GRID1: variants seen among roughly 807,000 people sequenced by gnomAD.
GRID1 encodes the protein glutamate receptor ionotropic, delta-1.
GRID1 carries 28 observed loss-of-function variants against 98.0 expected under a neutral mutation model. That is an observed-to-expected ratio of 0.29 (90% confidence interval 0.21 to 0.39). The LOEUF is 0.39. GRID1 is among the 10% of genes least tolerant of loss of function. The pLI is 1.00. For missense variants in GRID1, 1,111 were observed against 1,340.5 expected (o/e 0.83, Z 2.67); for synonymous variants, 553 against 538.5 (o/e 1.03, Z -0.37).
chr10:86,285,609 C>T (rs1847420140), intron 2 of GRID1, among the ~76,000 whole-genome samples: 1 of 152,196 alleles, frequency 6.6e-6, no homozygotes, highest in African/African-American at 2.4e-5. Flanking sequence ...TGTCAGCACG[C>T]CCACACAGGG....
At chr10:85,739,761 A>G (rs1255870002) in intron 8 of GRID1, among the ~76,000 whole-genome samples, 1 of 152,168 alleles carries the variant, frequency 6.6e-6, no homozygotes, top group African/African-American at 2.4e-5. Flanking sequence ...TACAGTTTTA[A>G]CTGCAAATAG....
chr10:86,311,247 A>C (rs1264084343), intron 2 of GRID1, among the ~76,000 whole-genome samples: 1 of 152,238 alleles, frequency 6.6e-6, no homozygotes, highest in African/African-American at 2.4e-5. Flanking sequence ...TCACATAGCC[A>C]GCAAGTACAG....
chr10:85,629,171 A>G (rs1842945331), intron 13 of GRID1, among the ~76,000 whole-genome samples: 1 of 152,214 alleles, frequency 6.6e-6, no homozygotes, highest in African/African-American at 2.4e-5. Context: ...AGAGAATGAG[A>G]GTAATTTTGC....
At chr10:86,170,623 T>C (rs1023379452) in intron 3 of GRID1, among the ~76,000 whole-genome samples, 2 of 152,218 alleles carry the variant, frequency 1.3e-5, no homozygotes. Context: ...GCCATGGCTA[T>C]GCACAACCTT....
chr10:86,092,878 C>T (rs971567736), intron 4 of GRID1, among the ~76,000 whole-genome samples: 10 of 152,170 alleles, frequency 6.6e-5, no homozygotes, highest in African/African-American at 2.4e-4. Flanking sequence ...TACCTTGGAA[C>T]AAATGGACTT....
At chr10:86,267,963 G>A (rs1011318971) in intron 2 of GRID1, among the ~76,000 whole-genome samples, 4 of 152,238 alleles carry the variant, frequency 2.6e-5, no homozygotes, top group African/African-American at 9.6e-5. Flanking sequence ...AGTTCTCCCT[G>A]TGAAGAATGT....
chr10:85,951,889 C>T (rs1379102705), intron 4 of GRID1, among the ~76,000 whole-genome samples: 2 of 152,230 alleles, frequency 1.3e-5, no homozygotes, highest in African/African-American at 4.8e-5. Context: ...TCTGCAGCAT[C>T]ACCTGTGTTC....
intron 4 of GRID1, among the ~76,000 whole-genome samples, chr10:85,975,374 G>A (rs17106084): frequency 0.13 from 19,581 of 152,268 alleles, 1,391 homozygotes; most frequent in Admixed American, 0.22. Flanking sequence ...GCCATCAGTC[G>A]GGCCAGCCTG....
intron 2 of GRID1, among the ~76,000 whole-genome samples, chr10:86,348,679 G>A (rs1011482882): frequency 1.3e-5 from 2 of 152,232 alleles, no homozygotes; most frequent in Admixed American, 6.5e-5. Flanking sequence ...GCACGTCCAC[G>A]TGACAGCGTC....
At chr10:85,752,832 T>G (rs1319382873) in intron 8 of GRID1, among the ~76,000 whole-genome samples, 1 of 152,244 alleles carries the variant, frequency 6.6e-6, no homozygotes, top group African/African-American at 2.4e-5. Context: ...AAGGTAACTT[T>G]TAAGTTTTTT....
chr10:85,972,437 T>G (rs998569508), intron 4 of GRID1, among the ~76,000 whole-genome samples: 1 of 148,280 alleles, frequency 6.7e-6, no homozygotes, highest in South Asian at 2.1e-4. Flanking sequence ...TATATTTATA[T>G]AACTATATTA....
intron 12 of GRID1, chr10:85,647,943 AT>A (rs1372875201): frequency 6.5e-6 from 1 of 152,864 alleles, no homozygotes; most frequent in Non-Finnish European, 1.5e-5. Context: ...ATTAAGAGGC[AT>A]CCCCTCCAAA....
intron 4 of GRID1, among the ~76,000 whole-genome samples, chr10:86,091,299 A>G (rs1257438113): frequency 2.0e-5 from 3 of 152,104 alleles, no homozygotes; most frequent in Admixed American, 1.3e-4. Context: ...TGTGGCGGGC[A>G]CCGTGAGAGT....
chr10:85,808,392 A>G (rs1204541349), intron 8 of GRID1, among the ~76,000 whole-genome samples: 2 of 152,170 alleles, frequency 1.3e-5, no homozygotes, highest in East Asian at 3.8e-4. Context: ...GAAGTCCAAA[A>G]TATCTCTGTA....
chr10:85,803,634 A>C (rs1402607798), intron 8 of GRID1, among the ~76,000 whole-genome samples: 1 of 152,102 alleles, frequency 6.6e-6, no homozygotes, highest in African/African-American at 2.4e-5. Context: ...AATTTAAGCA[A>C]CATATGTGAA....
intron 3 of GRID1, among the ~76,000 whole-genome samples, chr10:86,198,274 G>C (rs965013464): frequency 1.3e-5 from 2 of 152,052 alleles, no homozygotes; most frequent in Non-Finnish European, 2.9e-5. Context: ...GGGAAGCCTT[G>C]GCAGCTCAGC....
At chr10:85,786,095 C>T (rs1236364449) in intron 8 of GRID1, among the ~76,000 whole-genome samples, 3 of 152,178 alleles carry the variant, frequency 2.0e-5, no homozygotes, top group African/African-American at 7.2e-5. Flanking sequence ...CCAGCTACAT[C>T]ATGCTGTATA....
At chr10:86,318,105 A>G (rs534771605) in intron 2 of GRID1, among the ~76,000 whole-genome samples, 98 of 152,184 alleles carry the variant, frequency 6.4e-4, no homozygotes, top group African/African-American at 2.0e-3. Flanking sequence ...AAAAAGGCCC[A>G]GGTGCTTGGG....
At chr10:86,179,274 A>G (rs1179510921) in intron 3 of GRID1, among the ~76,000 whole-genome samples, 2 of 147,080 alleles carry the variant, frequency 1.4e-5, no homozygotes, top group Admixed American at 1.3e-4. Flanking sequence ...GCCCCCACCC[A>G]TGCCCCAGCC....
Sources: gnomAD v4.1 joint callset for allele counts (sites outside exome capture counted in the v4.1 genomes callset) on GRCh38, gnomAD v4.1.1 for gene constraint, MANE v1.5 for transcripts, NCBI Gene and HGNC (gene_info 2026-07-23, HGNC 2026-07-21) for gene names.